Variants in DPEP1 observed in about 807,000 individuals in gnomAD.
The protein encoded by DPEP1 is dipeptidase 1, also known as beta-lactamase.
In DPEP1, 50 loss-of-function variants were observed where a neutral mutation model predicts 42.3. That is an observed-to-expected ratio of 1.18 (90% CI 0.94 to 1.50). DPEP1 has a LOEUF of 1.50. Ranked by LOEUF, DPEP1 falls within the 40% of genes most tolerant of loss-of-function variation. The pLI is 0.00. For missense variants in DPEP1, 663 were observed against 553.0 expected, an observed-to-expected ratio of 1.20 and a Z score of -1.99; for synonymous variants, 297 against 234.0, an observed-to-expected ratio of 1.27 and a Z score of -2.46.
intron 1 of DPEP1, among the ~76,000 whole-genome samples, chr16:89,615,284 CCT>C (rs1186260205): frequency 6.6e-6 from 1 of 152,180 alleles, no homozygotes; most frequent in Admixed American, 6.5e-5. Context: ...CAGAGCCGCC[CCT>C]GAGGGGTGGC....
intron 1 of DPEP1, among the ~76,000 whole-genome samples, chr16:89,624,422 C>T (rs1231198478): frequency 2.0e-5 from 3 of 152,056 alleles, no homozygotes; most frequent in African/African-American, 4.8e-5. Flanking sequence ...GTGGACAAAA[C>T]GTGCAAAGTA....
chr16:89,639,539 G>GCA (rs138748998), downstream of DPEP1, among the ~76,000 whole-genome samples: 421 of 86,480 alleles, frequency 4.9e-3, 2 homozygotes, highest in African/African-American at 0.019. Context: ...CCCCACCTCT[G>GCA]CACACACACA....
chr16:89,636,353 C>T lies in DPEP1; in HGVS notation c.327C>T (p.Cys109=). 1 of 1,612,560 alleles carries T rather than the reference C, an allele frequency of 6.2e-7. No individual in the cohort carries two copies. The highest frequency in any genetic ancestry group is 1.7e-4 in the Middle Eastern group (1 of 6,058). ...LEQMDVVHRM[C]RMYPETFLYV... Reference sequence around the variant, plus strand: ...AGATGGACGTGGTCCACCGCATGTGCCGGATGTACCCGGAGACCTTCCTGT... The same window carrying T: ...AGATGGACGTGGTCCACCGCATGTGTCGGATGTACCCGGAGACCTTCCTGT... The change falls in exon 4 of 11, where the codon TGC becomes TGT. Residue 109 remains cysteine (C), a synonymous_variant. Coordinates refer to ENST00000690203, the MANE Select transcript of DPEP1 (RefSeq NM_001389466.1).
At chr16:89,629,952 T>A (rs1245470354) in intron 1 of DPEP1, among the ~76,000 whole-genome samples, 2 of 152,190 alleles carry the variant, frequency 1.3e-5, no homozygotes, top group African/African-American at 2.4e-5. Context: ...AATGCACTAT[T>A]TGAATGACTG....
At chr16:89,623,379 G>A (rs961483667) in intron 1 of DPEP1, among the ~76,000 whole-genome samples, 7 of 152,108 alleles carry the variant, frequency 4.6e-5, no homozygotes, top group East Asian at 1.9e-4. Context: ...GCCTGGGGTC[G>A]AGAGCCCGCT....
chr16:89,637,166 T>A (rs2059692341), intron 6 of DPEP1, 38 bp from the exon 7 acceptor site: 1 of 1,600,222 alleles, frequency 6.2e-7, no homozygotes, highest in Non-Finnish European at 8.5e-7. Flanking sequence ...GCCCCGACCC[T>A]GGGGGCTGTG....
chr16:89,627,988 T>C lies in DPEP1; in HGVS notation c.-106-2317T>C, dbSNP rs531264714. On this transcript the variant is annotated intron_variant, in intron 1 of 10. Transcript: ENST00000690203. ...CCCAGGCGGGAGTGCAGTGGTGCAA[T>C]CTCGGCTCACTGCAAGCTCTGCCTC... Among the ~76,000 whole-genome samples, 16 of 152,180 alleles carry C rather than the reference T, an allele frequency of 1.1e-4. No homozygotes were observed. The South Asian group carries it at 3.3e-3, about 32-fold the overall frequency.
chr16:89,631,423 G>T (rs2059586955), intron 2 of DPEP1, among the ~76,000 whole-genome samples: 1 of 152,204 alleles, frequency 6.6e-6, no homozygotes, highest in East Asian at 1.9e-4. Flanking sequence ...GTCCACACTG[G>T]CTCCGCGTTG....
chr16:89,631,580 G>T (rs1015659513), intron 2 of DPEP1, among the ~76,000 whole-genome samples: 2 of 152,198 alleles, frequency 1.3e-5, no homozygotes, highest in African/African-American at 4.8e-5. Flanking sequence ...AACAGTCCAG[G>T]CTGGGCAGTT....
intron 2 of DPEP1, among the ~76,000 whole-genome samples, chr16:89,633,751 G>A (rs1037472984): frequency 6.6e-6 from 1 of 152,258 alleles, no homozygotes; most frequent in African/African-American, 2.4e-5. Context: ...TCCAAGGAAG[G>A]CACCAAGACA....
intron 1 of DPEP1, among the ~76,000 whole-genome samples, chr16:89,629,168 C>T (rs888057611): frequency 6.6e-6 from 1 of 152,064 alleles, no homozygotes; most frequent in African/African-American, 2.4e-5. Flanking sequence ...ATTTTTTTTA[C>T]ATGAATTCTG....
intron 1 of DPEP1, among the ~76,000 whole-genome samples, chr16:89,627,889 A>ACACGTGAT (rs2059536961): frequency 6.6e-6 from 1 of 150,824 alleles, no homozygotes; most frequent in African/African-American, 2.4e-5. Context: ...CAAACTCCTA[A>ACACGTGAT]CCTCGTGATC....
intron 1 of DPEP1, among the ~76,000 whole-genome samples, chr16:89,615,190 C>T (rs1487994240): frequency 6.6e-6 from 1 of 152,178 alleles, no homozygotes; most frequent in African/African-American, 2.4e-5. Context: ...CAGGAGCAGA[C>T]GGGGAGGGTC....
At chr16:89,622,107 T>A (rs560769076) in intron 1 of DPEP1, among the ~76,000 whole-genome samples, 30 of 152,172 alleles carry the variant, frequency 2.0e-4, no homozygotes, top group African/African-American at 7.0e-4. Flanking sequence ...GGTGCACCCA[T>A]CTCTGGAGAT....
intron 1 of DPEP1, among the ~76,000 whole-genome samples, chr16:89,628,325 A>T (rs2059544059): frequency 7.1e-6 from 1 of 140,936 alleles, no homozygotes; most frequent in South Asian, 2.2e-4. Context: ...TGGCGCGATC[A>T]CAGCTCATGG....
chr16:89,625,959 G>A (rs1425425292), intron 1 of DPEP1, among the ~76,000 whole-genome samples: 4 of 152,186 alleles, frequency 2.6e-5, no homozygotes, highest in Non-Finnish European at 2.9e-5. Context: ...GGACGCCCTC[G>A]TGTTGAATTA....
intron 2 of DPEP1, among the ~76,000 whole-genome samples, chr16:89,634,101 T>G (rs1473621370): frequency 6.7e-6 from 1 of 148,522 alleles, no homozygotes; most frequent in African/African-American, 2.4e-5. Flanking sequence ...CTTTTTTTTT[T>G]TTTTTTGGAG....
Position 89,638,239 on chromosome 16 carries a change from G to A in DPEP1, c.*17G>A. 6.6e-7 allele frequency: 1 copy of A among 1,522,852 alleles called. No homozygotes were observed. The highest frequency in any genetic ancestry group is 8.8e-7 in the Non-Finnish European group (1 of 1,131,084). 94.3% of individuals were successfully genotyped at this position (1,522,852 alleles called of 1,614,324 possible). On this transcript the variant is annotated 3_prime_UTR_variant, in exon 11 of 11. Transcript: ENST00000690203. ...CTCCTGTGAAACCTGGGAGACCAGAGTCCCCTTTAGGGTTCCCGGAGCTCC... is the reference window on the plus strand; with the variant it reads ...CTCCTGTGAAACCTGGGAGACCAGAATCCCCTTTAGGGTTCCCGGAGCTCC...
intron 2 of DPEP1, among the ~76,000 whole-genome samples, 167 bp downstream of exon 2, chr16:89,630,681 G>A (rs1303058103): frequency 2.3e-5 from 2 of 88,136 alleles, no homozygotes; most frequent in African/African-American, 4.8e-5. Context: ...TGGGGGTGCC[G>A]GGGCTGGGGG....
Sources: gnomAD v4.1 joint callset for allele counts (sites outside exome capture counted in the v4.1 genomes callset) on GRCh38, gnomAD v4.1.1 for gene constraint, MANE v1.5 for transcripts, NCBI Gene and HGNC (gene_info 2026-07-23, HGNC 2026-07-21) for gene names.